The following KLHL13 variants were observed in gnomAD, a reference collection of about 807,000 sequenced individuals.
KLHL13 encodes kelch-like protein 13.
A neutral mutation model predicts 37.1 loss-of-function variants in KLHL13; 10 were observed. That is an observed-to-expected ratio of 0.27 (90% CI 0.17 to 0.46). The LOEUF (loss-of-function observed/expected upper bound fraction) is 0.46. Among genes scored for constraint, KLHL13 ranks in the 20% least tolerant of loss-of-function variants. The probability of loss-of-function intolerance (pLI) is 1.00; values close to 1 mark genes in which losing one functional copy is unlikely to be tolerated. For missense variants in KLHL13, 360 were observed against 509.3 expected, an observed-to-expected ratio of 0.71 and a Z score of 2.82; for synonymous variants, 163 against 181.2, an observed-to-expected ratio of 0.90 and a Z score of 0.81.
chrX:117,901,167 A>G (rs1210821524), intron 6 of KLHL13, among the ~76,000 whole-genome samples: 5 of 111,835 alleles, frequency 4.5e-5, no homozygotes, highest in Non-Finnish European at 9.4e-5. Flanking sequence ...AATGAACATT[A>G]TTATGTACTA....
chrX:117,956,295 T>G (rs922080713), intron 1 of KLHL13, among the ~76,000 whole-genome samples: 2 of 111,984 alleles, frequency 1.8e-5, no homozygotes, highest in Non-Finnish European at 3.8e-5. Flanking sequence ...GAAGGCAGAC[T>G]GATGATTTGG....
At chrX:117,912,083 A>G (rs1389091053) in intron 4 of KLHL13, among the ~76,000 whole-genome samples, 2 of 111,702 alleles carry the variant, frequency 1.8e-5, no homozygotes, top group Non-Finnish European at 3.8e-5. Context: ...AGTTTTGTAA[A>G]TGGAGTTACA....
chrX:118,053,201 T>A (rs1305799433), intron 1 of KLHL13, among the ~76,000 whole-genome samples: 1 of 112,319 alleles, frequency 8.9e-6, no homozygotes, highest in Non-Finnish European at 1.9e-5. Context: ...GTATATTTAT[T>A]GCAGCACTAT....
intron 1 of KLHL13, among the ~76,000 whole-genome samples, chrX:118,066,621 A>G (rs2054796957): frequency 1.8e-5 from 2 of 111,428 alleles, no homozygotes; most frequent in Non-Finnish European, 3.8e-5. Flanking sequence ...ATGATCTACG[A>G]AAGAGAAACC....
intron 1 of KLHL13, among the ~76,000 whole-genome samples, chrX:118,072,936 A>G (rs960242422): frequency 9.1e-6 from 1 of 110,380 alleles, no homozygotes; most frequent in Non-Finnish European, 1.9e-5. Context: ...GTCTCCAAAC[A>G]TTTAAAAATT....
chrX:118,008,948 T>C (rs750030210), intron 1 of KLHL13, among the ~76,000 whole-genome samples: 2 of 111,911 alleles, frequency 1.8e-5, no homozygotes, highest in South Asian at 7.6e-4. Context: ...AAAGTAACGC[T>C]ATTTAAGTGT....
chrX:117,965,158 G>C (rs764863831), intron 1 of KLHL13, among the ~76,000 whole-genome samples: 96 of 111,746 alleles, frequency 8.6e-4, no homozygotes, highest in African/African-American at 2.8e-3. Context: ...CTGAGGAATG[G>C]CCACACTGAC....
At chrX:118,077,935 A>T (rs2054944204) in intron 1 of KLHL13, among the ~76,000 whole-genome samples, 1 of 112,341 alleles carries the variant, frequency 8.9e-6, no homozygotes, top group African/African-American at 3.2e-5. Flanking sequence ...TAATGTACAG[A>T]TGCAGACATT....
intron 1 of KLHL13, among the ~76,000 whole-genome samples, chrX:118,021,748 T>C (rs1465495362): frequency 9.0e-6 from 1 of 111,227 alleles, no homozygotes; most frequent in African/African-American, 3.3e-5. Context: ...TTTGGGTATA[T>C]ACCCAGTAAT....
intron 6 of KLHL13, among the ~76,000 whole-genome samples, chrX:117,899,725 A>T (rs1405976632): frequency 8.9e-6 from 1 of 112,120 alleles, no homozygotes; most frequent in Non-Finnish European, 1.9e-5. Context: ...GTCTGTAGTA[A>T]ATTCCAACTA....
At chrX:117,905,798 G>A (rs1930478208) in intron 5 of KLHL13, among the ~76,000 whole-genome samples, 1 of 110,998 alleles carries the variant, frequency 9.0e-6, no homozygotes. Context: ...TTTATCCTCT[G>A]TGTTACGAAT....
At chrX:117,906,483 T>C (rs993668963) in intron 5 of KLHL13, among the ~76,000 whole-genome samples, 1 of 111,313 alleles carries the variant, frequency 9.0e-6, no homozygotes, top group Non-Finnish European at 1.9e-5. Context: ...CAAGACAATC[T>C]ACTTCTTGCT....
At chrX:117,983,403 C>T in intron 1 of KLHL13, 1 of 575,756 alleles carries the variant, frequency 1.7e-6, no homozygotes, top group South Asian at 3.3e-5. Context: ...TTCTAGTATT[C>T]TCAGGGTCTT....
chrX:117,938,813 A>G (rs1394970124), intron 2 of KLHL13, among the ~76,000 whole-genome samples: 1 of 111,063 alleles, frequency 9.0e-6, no homozygotes, highest in Admixed American at 9.7e-5. Context: ...CTCTCTTCCC[A>G]TAACTTGAAA....
chrX:118,080,209 C>A (rs944758246), intron 1 of KLHL13, among the ~76,000 whole-genome samples: 2 of 111,286 alleles, frequency 1.8e-5, no homozygotes, highest in African/African-American at 6.5e-5. Context: ...CAACATCAGC[C>A]TGGACAAAGA....
At chrX:118,028,943 G>A (rs1039696357) in intron 1 of KLHL13, among the ~76,000 whole-genome samples, 17 of 111,917 alleles carry the variant, frequency 1.5e-4, no homozygotes, top group Non-Finnish European at 2.8e-4. Context: ...CACCTGGGAT[G>A]TAAATCATCC....
intron 1 of KLHL13, among the ~76,000 whole-genome samples, chrX:118,093,354 A>G (rs1301892600): frequency 8.9e-6 from 1 of 112,012 alleles, no homozygotes; most frequent in East Asian, 2.8e-4. Flanking sequence ...TACTTTATCT[A>G]ATTTCTATAA....
At chrX:118,029,866 G>A (rs953670861) in intron 1 of KLHL13, among the ~76,000 whole-genome samples, 1 of 110,498 alleles carries the variant, frequency 9.0e-6, no homozygotes, top group Admixed American at 9.7e-5. Flanking sequence ...TACTCAGAGG[G>A]CTGAGGTGGA....
At chrX:117,911,111 G>T (rs1300711391) in intron 4 of KLHL13, among the ~76,000 whole-genome samples, 1 of 112,300 alleles carries the variant, frequency 8.9e-6, no homozygotes, top group African/African-American at 3.2e-5. Context: ...TATACAAACA[G>T]ACACAGATCA....
Sources: allele counts gnomAD v4.1 joint callset (sites outside exome capture counted in the v4.1 genomes callset), GRCh38; gene constraint gnomAD v4.1.1; transcripts MANE v1.5; gene names NCBI Gene and HGNC (gene_info 2026-07-23, HGNC 2026-07-21).